MDFIC: variants seen among roughly 807,000 people sequenced by gnomAD.
MDFIC encodes the protein myoD family inhibitor domain-containing protein.
Under a neutral mutation model 23.2 loss-of-function variants are expected in MDFIC, and 17 were observed. That is an observed-to-expected ratio of 0.73 (90% CI 0.50 to 1.10). MDFIC has a LOEUF of 1.10. MDFIC is among the 50% of genes least tolerant of loss of function. The probability of loss-of-function intolerance (pLI) is 0.00; values close to 1 mark genes in which losing one functional copy is unlikely to be tolerated. For missense variants in MDFIC, 356 were observed against 316.6 expected (o/e 1.12, Z -0.95); for synonymous variants, 120 against 115.2 (o/e 1.04, Z -0.27).
intron 3 of MDFIC, among the ~76,000 whole-genome samples, chr7:114,957,468 T>A (rs1792904994): frequency 6.6e-6 from 1 of 152,160 alleles, no homozygotes; most frequent in African/African-American, 2.4e-5. Flanking sequence ...GCAAAGTCTC[T>A]TATAATAGCG....
chr7:115,004,911 C>T (rs984307505), intron 4 of MDFIC, among the ~76,000 whole-genome samples: 1 of 152,100 alleles, frequency 6.6e-6, no homozygotes, highest in Non-Finnish European at 1.5e-5. Flanking sequence ...CAGGCAAGGC[C>T]CTGTCTTTGT....
At chr7:115,003,271 T>G (rs1020567794) in intron 4 of MDFIC, among the ~76,000 whole-genome samples, 2 of 152,160 alleles carry the variant, frequency 1.3e-5, no homozygotes, top group Non-Finnish European at 2.9e-5. Flanking sequence ...CCATTCACTA[T>G]GACAGTTTCA....
chr7:115,011,562 A>G (rs570413468), intron 4 of MDFIC, among the ~76,000 whole-genome samples: 2 of 152,344 alleles, frequency 1.3e-5, no homozygotes, highest in East Asian at 1.9e-4. Context: ...TAGACCTAAG[A>G]ACTTAAAAAA....
chr7:114,952,853 G>A (rs1204794026), intron 3 of MDFIC, among the ~76,000 whole-genome samples: 1 of 152,140 alleles, frequency 6.6e-6, no homozygotes, highest in East Asian at 1.9e-4. Context: ...GTGTAGGCCT[G>A]TCTTTGCAGG....
intron 2 of MDFIC, among the ~76,000 whole-genome samples, chr7:114,929,307 C>A (rs76761693): frequency 0.035 from 5,269 of 152,182 alleles, 297 homozygotes; most frequent in African/African-American, 0.12. Context: ...CGGGTTTCAC[C>A]ATATTGGCCA....
At chr7:114,947,440 G>A (rs754672334) in intron 3 of MDFIC, among the ~76,000 whole-genome samples, 8 of 152,156 alleles carry the variant, frequency 5.3e-5, no homozygotes, top group African/African-American at 1.4e-4. Context: ...CAAACCAATC[G>A]TTTGGGTTCA....
rs1791856814 is a variant in MDFIC, at chr7:115,019,276, GACTT to G, written c.*3342_*3345del. On this transcript the variant is annotated 3_prime_UTR_variant, in exon 5 of 5. Coordinates refer to ENST00000393486, the MANE Select transcript of MDFIC (RefSeq NM_001166345.3). ...GCATCTAACTAAAACAATACAGTAT[GACTT>G]TATTTAGGAGAAGGCTTTTTATTTA... The G allele has an allele frequency of 6.6e-6, 1 of 151,996 alleles. No individual in the cohort carries two copies. The highest frequency in any genetic ancestry group is 1.9e-4 in the East Asian group (1 of 5,192). The allele number at this position is 151,996 out of a possible 1,614,324, so 9.4% of individuals were successfully genotyped here.
intron 2 of MDFIC, among the ~76,000 whole-genome samples, chr7:114,926,742 T>A (rs1395251810): frequency 6.6e-6 from 1 of 152,218 alleles, no homozygotes; most frequent in Non-Finnish European, 1.5e-5. Flanking sequence ...AGAAGAGCTT[T>A]GATTTAGAAG....
chr7:114,990,243 T>C (rs1167079334), intron 4 of MDFIC, among the ~76,000 whole-genome samples: 1 of 152,204 alleles, frequency 6.6e-6, no homozygotes, highest in Non-Finnish European at 1.5e-5. Flanking sequence ...ACACAGTGAT[T>C]CTGATCATTT....
chr7:114,931,761 T>A (rs1360242253), intron 2 of MDFIC, among the ~76,000 whole-genome samples: 1 of 152,230 alleles, frequency 6.6e-6, no homozygotes, highest in Non-Finnish European at 1.5e-5. Flanking sequence ...TTGTCTAAGT[T>A]GGACTGCTAG....
Position 114,922,234 on chromosome 7 carries a change from C to T in MDFIC, c.-510C>T, listed in dbSNP as rs1469608947. ...GGCCGAGCCCGGGTCGCGCCGCTCCCAGCATCGGGGCCGCTAGCCAAGAGT... is the reference window on the plus strand; with the variant it reads ...GGCCGAGCCCGGGTCGCGCCGCTCCTAGCATCGGGGCCGCTAGCCAAGAGT... On this transcript the variant is annotated 5_prime_UTR_variant, in exon 1 of 5. Coordinates refer to ENST00000393486, the MANE Select transcript of MDFIC (RefSeq NM_001166345.3). The T allele has an allele frequency of 7.2e-6, 4 of 556,262 alleles. No homozygotes were observed. Among genetic ancestry groups the T allele is most frequent in the Non-Finnish European group, 1.1e-5 (4 of 372,026 alleles). The allele number at this position is 556,262 out of a possible 1,614,324, so 34.5% of individuals were successfully genotyped here.
At chr7:114,943,786 A>G (rs1280241863) in intron 3 of MDFIC, among the ~76,000 whole-genome samples, 1 of 152,060 alleles carries the variant, frequency 6.6e-6, no homozygotes, top group African/African-American at 2.4e-5. Flanking sequence ...TTTTACCTCT[A>G]TCTGTTGGGA....
At chr7:115,015,629 A>T in intron 4 of MDFIC, 59 bp from the exon 5 acceptor site, 2 of 1,572,214 alleles carry the variant, frequency 1.3e-6, no homozygotes, top group Middle Eastern at 1.7e-4. Context: ...AATTGATAAC[A>T]CGTATTTTGT....
At position 115,015,802 on chromosome 7, in the gene MDFIC, G is replaced by T. The variant is rs1791783620; in HGVS notation, c.608G>T (p.Cys203Phe). The T allele has an allele frequency of 1.9e-6, 3 of 1,614,102 alleles. No individual in the cohort carries two copies. In the African/African-American group the frequency reaches 4.0e-5, roughly 22 times the overall value. ...GICTSEACCC[C>F]CGDEMGDDCN... is the part of the protein sequence containing the mutation. ...TGCACCTCAGAAGCCTGCTGCTGTT[G>T]CTGTGGTGACGAGATGGGGGATGAT... The change falls in exon 5 of 5, where the codon TGC becomes TTC. Residue 203 changes from cysteine to phenylalanine, a missense_variant. Coordinates refer to ENST00000393486, the MANE Select transcript of MDFIC (RefSeq NM_001166345.3).
At chr7:114,990,837 G>C (rs1429143355) in intron 4 of MDFIC, among the ~76,000 whole-genome samples, 5 of 152,130 alleles carry the variant, frequency 3.3e-5, no homozygotes, top group African/African-American at 9.7e-5. Context: ...ATAGCAGCAT[G>C]ATTTATAATC....
chr7:114,955,869 A>T (rs1004655924), intron 3 of MDFIC, among the ~76,000 whole-genome samples: 1 of 152,178 alleles, frequency 6.6e-6, no homozygotes, highest in African/African-American at 2.4e-5. Flanking sequence ...TTTTTCATAT[A>T]TTGCTCTAAC....
intron 4 of MDFIC, among the ~76,000 whole-genome samples, chr7:114,990,519 C>A (rs986027821): frequency 6.6e-5 from 10 of 152,174 alleles, no homozygotes; most frequent in Non-Finnish European, 1.5e-4. Flanking sequence ...CCACGACAGG[C>A]CCCAGTGTGT....
At chr7:114,974,102 G>A (rs1317638875) in intron 3 of MDFIC, among the ~76,000 whole-genome samples, 1 of 152,102 alleles carries the variant, frequency 6.6e-6, no homozygotes, top group Non-Finnish European at 1.5e-5. Flanking sequence ...TCTCCATATT[G>A]AGGAAGATTT....
At chr7:114,953,000 T>C (rs1164096068) in intron 3 of MDFIC, among the ~76,000 whole-genome samples, 1 of 152,234 alleles carries the variant, frequency 6.6e-6, no homozygotes, top group Non-Finnish European at 1.5e-5. Context: ...TTTCTTCTTA[T>C]TCTTTGTGAG....
Sources: gnomAD v4.1 joint callset for allele counts (sites outside exome capture counted in the v4.1 genomes callset) on GRCh38, gnomAD v4.1.1 for gene constraint, MANE v1.5 for transcripts, NCBI Gene and HGNC (gene_info 2026-07-23, HGNC 2026-07-21) for gene names.